The following ZBTB26 variants were observed in gnomAD, a reference collection of about 807,000 sequenced individuals.
The protein encoded by ZBTB26 is zinc finger and BTB domain containing 26, also known as zinc finger and BTB domain-containing protein 26.
Under a neutral mutation model 31.6 loss-of-function variants are expected in ZBTB26, and 12 were observed. The observed-to-expected ratio is 0.38, with a 90% CI of 0.24 to 0.61. The LOEUF (loss-of-function observed/expected upper bound fraction) is 0.61, where lower values mean the gene tolerates loss of function less well. ZBTB26 is among the 20% of genes least tolerant of loss of function. ZBTB26 has a pLI of 0.60. For synonymous variants in ZBTB26, 155 were observed against 182.9 expected (o/e 0.85, Z 1.23); for missense variants, 311 against 521.9 (o/e 0.60, Z 3.94).
Position 122,918,957 on chromosome 9 carries a change from G to A in ZBTB26, c.978C>T (p.Phe326=). Residue 326 remains phenylalanine, a synonymous_variant, in exon 2 of 2, where the codon TTC becomes TTT. Coordinates refer to ENST00000373656, the MANE Select transcript of ZBTB26 (RefSeq NM_020924.4). ...AGGTTTTCCCACAGATTTTACACTG[G>A]AAAGGTTTAATTCCGGCATGCACAC... is the stretch of plus-strand genomic sequence containing the variant. ...HMRVHAGIKP[F]QCKICGKTFS... is the part of the protein sequence containing the mutation. The A allele has an allele frequency of 6.2e-7, 1 of 1,614,200 alleles. No homozygotes were observed. Among genetic ancestry groups the A allele is most frequent in the Admixed American group, 1.7e-5 (1 of 60,024 alleles).
intron 1 of ZBTB26, among the ~76,000 whole-genome samples, chr9:122,928,491 T>A (rs942292206): frequency 2.0e-5 from 3 of 152,182 alleles, no homozygotes; most frequent in Admixed American, 6.5e-5. Flanking sequence ...TTTTTTGAAC[T>A]GTTATGTGGA....
rs1833031229 is a variant in ZBTB26 at position 122,917,564 on chromosome 9, T to C, written c.*1045A>G. 1 of 150,658 alleles carries C rather than the reference T, an allele frequency of 6.6e-6. No homozygotes were observed. Among genetic ancestry groups the C allele is most frequent in the African/African-American group, 2.4e-5 (1 of 41,354 alleles). The allele number at this position is 150,658 out of a possible 1,614,324, so 9.3% of individuals were successfully genotyped here. Reference sequence around the variant, plus strand: ...AGTGTACCTTTAAGAGGTATCTGAATACAGAAATTTGATTGCCCCTTCTGT... The same window carrying C: ...AGTGTACCTTTAAGAGGTATCTGAACACAGAAATTTGATTGCCCCTTCTGT... On this transcript the variant is annotated 3_prime_UTR_variant, in exon 2 of 2. Transcript: ENST00000373656.
chr9:122,926,310 C>A (rs906320739), intron 1 of ZBTB26, among the ~76,000 whole-genome samples: 1 of 151,662 alleles, frequency 6.6e-6, no homozygotes, highest in Non-Finnish European at 1.5e-5. Flanking sequence ...GTCAGGAGAT[C>A]GAGACCACGG....
intron 1 of ZBTB26, among the ~76,000 whole-genome samples, chr9:122,929,576 G>A (rs191032884): frequency 8.7e-4 from 133 of 152,254 alleles, no homozygotes; most frequent in African/African-American, 2.8e-3. Context: ...GGGTTGTTAT[G>A]GAAAATAAAT....
intron 1 of ZBTB26, among the ~76,000 whole-genome samples, chr9:122,929,283 G>A (rs907645680): frequency 2.0e-5 from 3 of 152,188 alleles, no homozygotes; most frequent in African/African-American, 7.2e-5. Context: ...ACGGACTTAG[G>A]AAGAAAGAAA....
At position 122,916,906 on chromosome 9, in the gene ZBTB26, C is replaced by T. The variant is rs931759384; in HGVS notation, c.*1703G>A. On this transcript the variant is annotated 3_prime_UTR_variant, in exon 2 of 2. Transcript: ENST00000373656. ...GCCTAATTTTTCAAATCTGCATGCA[C>T]TCTCATAGCTCAAAAATAAAAACAG... 5.3e-4 allele frequency: 80 copies of T among 152,158 alleles called. No homozygotes were observed. Among genetic ancestry groups the T allele is most frequent in the Non-Finnish European group, 3.1e-4 (21 of 68,026 alleles). 9.4% of individuals were successfully genotyped at this position (152,158 alleles called of 1,614,324 possible). A position where few individuals can be genotyped will look rare whatever the true frequency, so the allele number is the denominator to read the frequency against.
intron 1 of ZBTB26, among the ~76,000 whole-genome samples, chr9:122,929,321 T>C (rs1004386294): frequency 6.6e-6 from 1 of 152,208 alleles, no homozygotes; most frequent in African/African-American, 2.4e-5. Context: ...ATAAATCCTT[T>C]ACTTACCTTC....
At chr9:122,925,462 C>T (rs971001300) in intron 1 of ZBTB26, among the ~76,000 whole-genome samples, 21 of 152,108 alleles carry the variant, frequency 1.4e-4, no homozygotes, top group Admixed American at 9.2e-4. Flanking sequence ...TTGTATATGA[C>T]GAAACTAAGC....
At chr9:122,926,420 T>C (rs1406225366) in intron 1 of ZBTB26, among the ~76,000 whole-genome samples, 1 of 148,748 alleles carries the variant, frequency 6.7e-6, no homozygotes, top group African/African-American at 2.5e-5. Context: ...GGCAGGAGAA[T>C]GGCGTGAACC....
chr9:122,920,538 T>C (rs1833079328), intron 1 of ZBTB26, among the ~76,000 whole-genome samples: 2 of 152,220 alleles, frequency 1.3e-5, no homozygotes, highest in African/African-American at 4.8e-5. Context: ...ACACTGCTTG[T>C]CCAATTCCTG....
intron 1 of ZBTB26, among the ~76,000 whole-genome samples, chr9:122,923,963 A>C (rs981650788): frequency 6.6e-6 from 1 of 152,238 alleles, no homozygotes; most frequent in African/African-American, 2.4e-5. Flanking sequence ...CAGTATAGTA[A>C]CATGTGGTAC....
chr9:122,917,573 T>G lies in ZBTB26; in HGVS notation c.*1036A>C, dbSNP rs561218134. Reference sequence around the variant, plus strand: ...TTAAGAGGTATCTGAATACAGAAATTTGATTGCCCCTTCTGTGTCCAACCT... The same window carrying G: ...TTAAGAGGTATCTGAATACAGAAATGTGATTGCCCCTTCTGTGTCCAACCT... On this transcript the variant is annotated 3_prime_UTR_variant, in exon 2 of 2. Transcript: ENST00000373656. 2.6e-4 allele frequency: 39 copies of G among 150,944 alleles called. No homozygotes were observed. Among genetic ancestry groups the G allele is most frequent in the Middle Eastern group, 3.4e-3 (1 of 294 alleles). 9.4% of individuals were successfully genotyped at this position (150,944 alleles called of 1,614,324 possible). A position where few individuals can be genotyped will look rare whatever the true frequency, so the allele number is the denominator to read the frequency against.
intron 1 of ZBTB26, among the ~76,000 whole-genome samples, chr9:122,929,150 A>C (rs1167341448): frequency 1.3e-5 from 2 of 152,234 alleles, no homozygotes; most frequent in South Asian, 2.1e-4. Context: ...AGAAGCCTGC[A>C]TGACATCAAG....
At chr9:122,920,909 C>T (rs1365248699) in intron 1 of ZBTB26, among the ~76,000 whole-genome samples, 1 of 152,108 alleles carries the variant, frequency 6.6e-6, no homozygotes, top group Non-Finnish European at 1.5e-5. Context: ...GCTTATGTTC[C>T]CTCTAATACA....
intron 1 of ZBTB26, among the ~76,000 whole-genome samples, chr9:122,929,275 G>C (rs1026746369): frequency 8.5e-5 from 13 of 152,276 alleles, no homozygotes; most frequent in Middle Eastern, 6.8e-3. Flanking sequence ...GAGTGGAAAC[G>C]GACTTAGGAA....
In ZBTB26 at chr9:122,919,529, T is replaced by C. The variant is rs1468878013; in HGVS notation, c.406A>G (p.Lys136Glu). The change falls in exon 2 of 2, where the codon AAA (lysine) becomes GAA (glutamate). Residue 136 changes from lysine to glutamate, a missense_variant. Physicochemically the swap from Lys to Glu is moderately conservative, Grantham distance 56. Coordinates refer to ENST00000373656, the MANE Select transcript of ZBTB26 (RefSeq NM_020924.4). The surrounding 1 kb of genome is among the most constrained non-coding windows in gnomAD (Gnocchi z 6.1). ...FIKPKQPMDS[K>E]EGCEPQSASP... is the part of the protein sequence containing the mutation. The stretch of plus-strand genomic sequence containing the variant: ...GCACTCTGTGGTTCACATCCCTCTT[T>C]ACTATCCATTGGTTGTTTTGGCTTT... The C allele has an allele frequency of 4.3e-6, 7 of 1,614,222 alleles. No homozygotes were observed. The highest frequency in any genetic ancestry group is 5.1e-6 in the Non-Finnish European group (6 of 1,180,036).
At chr9:122,928,436 G>A (rs1472611104) in intron 1 of ZBTB26, among the ~76,000 whole-genome samples, 2 of 152,066 alleles carry the variant, frequency 1.3e-5, no homozygotes, top group African/African-American at 4.8e-5. Flanking sequence ...ACCTCCCAAA[G>A]TGCTGGGATT....
intron 1 of ZBTB26, among the ~76,000 whole-genome samples, chr9:122,929,773 C>G (rs546067136): frequency 6.6e-6 from 1 of 152,242 alleles, no homozygotes; most frequent in South Asian, 2.1e-4. Flanking sequence ...CATCACTGTA[C>G]TAAATTGCTT....
rs1833050969 is a variant in ZBTB26 at position 122,918,628 on chromosome 9, T to C, written c.1307A>G (p.Asp436Gly). Residue 436 changes from aspartate to glycine, a missense_variant, in exon 2 of 2, where the codon GAT becomes GGT. By Grantham distance (94) the Asp-to-Gly change is moderately conservative (BLOSUM62 -1). Coordinates refer to ENST00000373656, the MANE Select transcript of ZBTB26 (RefSeq NM_020924.4). The part of the protein sequence containing the change: ...LAQAVLNLRN[D>G]STCVN ...CCCTACTCAATTCACACAAGTACTATCATTTCTTAAGTTCAGGACAGCTTG... is the reference window on the plus strand; with the variant it reads ...CCCTACTCAATTCACACAAGTACTACCATTTCTTAAGTTCAGGACAGCTTG... The C allele has an allele frequency of 1.2e-6, 2 of 1,613,168 alleles. No individual in the cohort carries two copies. The highest frequency in any genetic ancestry group is 1.7e-6 in the Non-Finnish European group (2 of 1,179,622).
Sources: gnomAD v4.1 joint callset for allele counts (sites outside exome capture counted in the v4.1 genomes callset) on GRCh38, gnomAD v4.1.1 for gene constraint, Gnocchi (gnomAD v3.1) non-coding constraint, MANE v1.5 for transcripts, NCBI Gene and HGNC (gene_info 2026-07-23, HGNC 2026-07-21) for gene names.